PIGK: variants seen among roughly 807,000 people sequenced by gnomAD.
PIGK encodes the protein GPI-anchor transamidase.
A neutral mutation model predicts 50.6 loss-of-function variants in PIGK; 42 were observed. The observed-to-expected ratio is 0.83, with a 90% confidence interval of 0.65 to 1.07. The LOEUF (loss-of-function observed/expected upper bound fraction) is 1.07. PIGK is among the 50% of genes least tolerant of loss of function. The pLI, the probability that PIGK is intolerant of heterozygous loss-of-function variation, is 0.00. For missense variants in PIGK, 448 were observed against 488.7 expected (o/e 0.92, Z 0.78); for synonymous variants, 151 against 156.0 (o/e 0.97, Z 0.24).
At chr1:77,171,254 G>A (rs950385932) in intron 3 of PIGK, among the ~76,000 whole-genome samples, 1 of 151,556 alleles carries the variant, frequency 6.6e-6, no homozygotes, top group South Asian at 2.1e-4. Flanking sequence ...GGTTAACACA[G>A]TGAAACCCTG....
intron 9 of PIGK, chr1:77,129,033 C>A: frequency 1.3e-6 from 1 of 761,572 alleles, no homozygotes; most frequent in South Asian, 1.4e-5. Context: ...ACAACTGAGA[C>A]CATATGGCCT....
At chr1:77,150,489 C>CAA (rs541372066) in intron 9 of PIGK, among the ~76,000 whole-genome samples, 1,205 of 86,098 alleles carry the variant, frequency 0.014, 19 homozygotes, top group African/African-American at 0.045. Flanking sequence ...GACTCAATCT[C>CAA]AAAAAAAAAA....
At chr1:77,104,213 G>A (rs1653614281) in intron 10 of PIGK, among the ~76,000 whole-genome samples, 2 of 151,858 alleles carry the variant, frequency 1.3e-5, no homozygotes. Context: ...ATCCAGGCAT[G>A]CAAAAAAGAG....
At chr1:77,109,713 C>T (rs890532131) in intron 10 of PIGK, among the ~76,000 whole-genome samples, 1 of 152,224 alleles carries the variant, frequency 6.6e-6, no homozygotes, top group Middle Eastern at 3.4e-3. Context: ...GACAGGGATG[C>T]CCTCTCTCAC....
chr1:77,160,155 T>C (rs839824), intron 8 of PIGK, among the ~76,000 whole-genome samples: 31,651 of 152,010 alleles, frequency 0.21, 4,528 homozygotes, highest in African/African-American at 0.41. Flanking sequence ...GTATAAAGTG[T>C]AATTCCCCTG....
At chr1:77,158,107 C>G (rs796356593) in intron 8 of PIGK, among the ~76,000 whole-genome samples, 16 of 152,340 alleles carry the variant, frequency 1.1e-4, no homozygotes, top group African/African-American at 3.6e-4. Flanking sequence ...ACCTCTGCCT[C>G]CCAGGTTCAA....
At chr1:77,213,675 A>G (rs1009512911) in intron 1 of PIGK, among the ~76,000 whole-genome samples, 8 of 152,116 alleles carry the variant, frequency 5.3e-5, no homozygotes, top group Non-Finnish European at 1.0e-4. Context: ...ACACAAAATA[A>G]GAAAAGAAAT....
intron 10 of PIGK, among the ~76,000 whole-genome samples, chr1:77,101,246 T>G (rs578262839): frequency 6.6e-6 from 1 of 152,294 alleles, no homozygotes; most frequent in Admixed American, 6.5e-5. Context: ...CTTTATGTTT[T>G]AAAAAAATAG....
chr1:77,141,211 C>G (rs757818143), intron 9 of PIGK, among the ~76,000 whole-genome samples: 5 of 152,242 alleles, frequency 3.3e-5, no homozygotes, highest in Non-Finnish European at 7.4e-5. Flanking sequence ...AAGTCCATTA[C>G]TACTTGCAGT....
chr1:77,186,633 A>G (rs750880720), intron 3 of PIGK, among the ~76,000 whole-genome samples: 2 of 152,184 alleles, frequency 1.3e-5, no homozygotes, highest in Non-Finnish European at 2.9e-5. Context: ...TCAAGTAGAT[A>G]TGAGGACCCG....
chr1:77,117,475 T>A (rs1234784993), intron 10 of PIGK, among the ~76,000 whole-genome samples: 1 of 152,224 alleles, frequency 6.6e-6, no homozygotes, highest in Non-Finnish European at 1.5e-5. Context: ...CTTCTGCTAA[T>A]AAAATATAAG....
intron 3 of PIGK, among the ~76,000 whole-genome samples, chr1:77,188,409 A>C (rs949603321): frequency 6.6e-6 from 1 of 152,186 alleles, no homozygotes; most frequent in Non-Finnish European, 1.5e-5. Flanking sequence ...TCCCAGGCTT[A>C]TTAGGAAGAG....
intron 10 of PIGK, among the ~76,000 whole-genome samples, chr1:77,098,288 A>G (rs566154590): frequency 9.7e-4 from 148 of 152,312 alleles, no homozygotes; most frequent in Non-Finnish European, 1.9e-3. Context: ...CGATAAGGCT[A>G]TTAATAAGCC....
chr1:77,132,177 T>A (rs1654387429), intron 9 of PIGK, among the ~76,000 whole-genome samples: 1 of 152,002 alleles, frequency 6.6e-6, no homozygotes, highest in African/African-American at 2.4e-5. Flanking sequence ...TAGCACATTT[T>A]TAGGTTATGT....
At chr1:77,177,609 G>A (rs890207335) in intron 3 of PIGK, among the ~76,000 whole-genome samples, 7 of 152,096 alleles carry the variant, frequency 4.6e-5, no homozygotes, top group Non-Finnish European at 8.8e-5. Flanking sequence ...ATCTCTGTTC[G>A]AGGCTCTCAG....
intron 9 of PIGK, among the ~76,000 whole-genome samples, chr1:77,145,010 A>T (rs548712045): frequency 8.6e-5 from 13 of 152,020 alleles, no homozygotes; most frequent in Admixed American, 5.2e-4. Context: ...AGTATAGGAG[A>T]AATCCTGTCA....
chr1:77,178,030 G>T (rs1655527223), intron 3 of PIGK, among the ~76,000 whole-genome samples: 1 of 152,090 alleles, frequency 6.6e-6, no homozygotes, highest in Non-Finnish European at 1.5e-5. Flanking sequence ...ATCTTTGAAT[G>T]TTTTTTCCTT....
chr1:77,163,978 T>C (rs751144503), intron 5 of PIGK, 36 bp from the exon 6 acceptor site: 4 of 1,139,630 alleles, frequency 3.5e-6, no homozygotes, highest in Non-Finnish European at 5.2e-6. Flanking sequence ...ATAGATTTTT[T>C]AATGCAAACT....
chr1:77,179,907 C>G (rs1293844004), intron 3 of PIGK, among the ~76,000 whole-genome samples: 1 of 152,044 alleles, frequency 6.6e-6, no homozygotes, highest in Non-Finnish European at 1.5e-5. Context: ...TGCCATTTAT[C>G]ATAAGGTCTC....
Sources: gnomAD v4.1 joint callset for allele counts (sites outside exome capture counted in the v4.1 genomes callset) on GRCh38, gnomAD v4.1.1 for gene constraint, MANE v1.5 for transcripts, NCBI Gene and HGNC (gene_info 2026-07-23, HGNC 2026-07-21) for gene names.